HDAC9: variants seen among roughly 807,000 people sequenced by gnomAD.
HDAC9 encodes histone deacetylase 9, also known as MEF-2 interacting transcription repressor (MITR) protein.
Under a neutral mutation model 139.4 loss-of-function variants are expected in HDAC9, and 41 were observed. That is an observed-to-expected ratio of 0.29 (90% CI 0.23 to 0.38). The LOEUF (loss-of-function observed/expected upper bound fraction) is 0.38, where lower values mean the gene tolerates loss of function less well. Ranked by LOEUF, HDAC9 falls within the 10% of genes least tolerant of loss-of-function variation. The pLI is 1.00. For missense variants in HDAC9, 1,147 were observed against 1,297.0 expected, an observed-to-expected ratio of 0.88 and a Z score of 1.78; for synonymous variants, 517 against 476.2, an observed-to-expected ratio of 1.09 and a Z score of -1.12.
At chr7:18,445,510 C>G (rs949980489) in intron 1 of HDAC9, among the ~76,000 whole-genome samples, 2 of 152,166 alleles carry the variant, frequency 1.3e-5, no homozygotes, top group South Asian at 4.1e-4. Flanking sequence ...TGAGCGGCCT[C>G]TGTGATTGTT....
intron 2 of HDAC9, among the ~76,000 whole-genome samples, chr7:18,501,124 T>A (rs1373732313): frequency 6.6e-6 from 1 of 151,928 alleles, no homozygotes; most frequent in African/African-American, 2.4e-5. Flanking sequence ...AGTGAAGAGA[T>A]GAACTTAAAA....
chr7:18,112,106 T>G (rs1783655862), intron 1 of HDAC9, among the ~76,000 whole-genome samples: 1 of 152,238 alleles, frequency 6.6e-6, no homozygotes, highest in Non-Finnish European at 1.5e-5. Flanking sequence ...TTTTACAACA[T>G]TTTTCTATTA....
chr7:18,576,714 A>G (rs987548585), intron 2 of HDAC9, among the ~76,000 whole-genome samples: 2 of 152,114 alleles, frequency 1.3e-5, no homozygotes, highest in African/African-American at 2.4e-5. Flanking sequence ...TAGATAATAA[A>G]AGAGAGAGGA....
chr7:18,884,284 C>T (rs76777661), intron 22 of HDAC9, among the ~76,000 whole-genome samples: 1 of 152,152 alleles, frequency 6.6e-6, no homozygotes, highest in Non-Finnish European at 1.5e-5. Context: ...ACCATACTTT[C>T]CAATGTTAAC....
intron 16 of HDAC9, among the ~76,000 whole-genome samples, chr7:18,779,037 C>G (rs1053604214): frequency 6.6e-6 from 1 of 152,026 alleles, no homozygotes; most frequent in Non-Finnish European, 1.5e-5. Context: ...TTCATCATAT[C>G]CATGGCTTTA....
At chr7:18,667,315 C>T in intron 12 of HDAC9, 4 of 984,798 alleles carry the variant, frequency 4.1e-6, no homozygotes, top group Non-Finnish European at 4.8e-6. Flanking sequence ...GCAAAAAACA[C>T]AGTAACAGGA....
intron 1 of HDAC9, among the ~76,000 whole-genome samples, chr7:18,121,865 T>A (rs1186423459): frequency 6.6e-6 from 1 of 152,218 alleles, no homozygotes; most frequent in Non-Finnish European, 1.5e-5. Context: ...GATTAGACAC[T>A]CTGAAACTCT....
intron 1 of HDAC9, among the ~76,000 whole-genome samples, chr7:18,443,606 A>G (rs1791995423): frequency 6.6e-6 from 1 of 152,184 alleles, no homozygotes; most frequent in Non-Finnish European, 1.5e-5. Flanking sequence ...GAATATTAGT[A>G]AACCCTCAAG....
chr7:18,878,872 CCT>C (rs1799519039), intron 22 of HDAC9, among the ~76,000 whole-genome samples: 1 of 152,048 alleles, frequency 6.6e-6, no homozygotes, highest in Admixed American at 6.6e-5. Context: ...AGTCAAACTC[CCT>C]GTTTGCAGAC....
intron 1 of HDAC9, among the ~76,000 whole-genome samples, chr7:18,130,932 G>A (rs1257236530): frequency 6.6e-6 from 1 of 152,054 alleles, no homozygotes; most frequent in Non-Finnish European, 1.5e-5. Context: ...ACTTCGAAGA[G>A]TTTCCATATT....
intron 2 of HDAC9, among the ~76,000 whole-genome samples, chr7:18,528,094 G>A (rs1807537336): frequency 6.6e-6 from 1 of 151,954 alleles, no homozygotes; most frequent in African/African-American, 2.4e-5. Flanking sequence ...TTCAAGTGGA[G>A]TTTGAGACCA....
intron 2 of HDAC9, among the ~76,000 whole-genome samples, chr7:18,582,518 A>ATT (rs776229512): frequency 7.1e-4 from 107 of 151,694 alleles, no homozygotes; most frequent in African/African-American, 2.2e-3. Flanking sequence ...ATATATATAT[A>ATT]TATTTTTTAA....
At chr7:18,944,810 T>C (rs1474510112) in intron 23 of HDAC9, among the ~76,000 whole-genome samples, 1 of 152,190 alleles carries the variant, frequency 6.6e-6, no homozygotes, top group East Asian at 1.9e-4. Flanking sequence ...CAATATATAA[T>C]TCTTACTCAT....
intron 1 of HDAC9, among the ~76,000 whole-genome samples, chr7:18,128,906 T>G (rs971989862): frequency 4.6e-5 from 7 of 152,090 alleles, no homozygotes; most frequent in Admixed American, 3.9e-4. Context: ...CTTCCTTTCT[T>G]GCCACTCTAA....
intron 21 of HDAC9, among the ~76,000 whole-genome samples, chr7:18,841,882 A>G (rs1051155133): frequency 5.3e-5 from 8 of 152,054 alleles, no homozygotes; most frequent in Admixed American, 5.3e-4. Flanking sequence ...TCCTTTTAAT[A>G]ACCGATCTAA....
intron 2 of HDAC9, among the ~76,000 whole-genome samples, chr7:18,187,054 TTTCTC>T (rs1156536025): frequency 6.6e-6 from 1 of 152,222 alleles, no homozygotes; most frequent in African/African-American, 2.4e-5. Context: ...CCTATGATCT[TTTCTC>T]AGTCTTCATA....
chr7:18,305,393 A>T (rs919141635), intron 1 of HDAC9, among the ~76,000 whole-genome samples: 8 of 152,212 alleles, frequency 5.3e-5, no homozygotes, highest in African/African-American at 1.9e-4. Flanking sequence ...AGAAAAAGAA[A>T]TATTGTTAGT....
rs1301550313 is a variant in HDAC9 at position 18,721,950 on chromosome 7, C to G, written c.1732-5630C>G. Among the ~76,000 whole-genome samples the G allele has an allele frequency of 3.9e-5, 6 of 152,140 alleles. No homozygotes were observed. In the South Asian group the frequency reaches 1.0e-3, roughly 26 times the overall value. Reference sequence around the variant, plus strand: ...CTTTCAAATGATGGCAATGCCTATGCCCTACCACTTAGAATGATGGGGCCA... The same window carrying G: ...CTTTCAAATGATGGCAATGCCTATGGCCTACCACTTAGAATGATGGGGCCA... On this transcript the variant is annotated intron_variant, in intron 12 of 25. Transcript: ENST00000686413.
At chr7:18,821,961 A>G (rs1795008082) in intron 17 of HDAC9, among the ~76,000 whole-genome samples, 1 of 152,218 alleles carries the variant, frequency 6.6e-6, no homozygotes, top group African/African-American at 2.4e-5. Flanking sequence ...GAAGAGATGC[A>G]TGGGAAGAGG....
Sources: allele counts gnomAD v4.1 joint callset (sites outside exome capture counted in the v4.1 genomes callset), GRCh38; gene constraint gnomAD v4.1.1; transcripts MANE v1.5; gene names NCBI Gene and HGNC (gene_info 2026-07-23, HGNC 2026-07-21).